Variants in ADCY2 observed in about 807,000 individuals in gnomAD.
The protein encoded by ADCY2 is adenylate cyclase type 2.
ADCY2 carries 31 observed loss-of-function variants against 125.2 expected under a neutral mutation model. That is an observed-to-expected ratio of 0.25 (90% confidence interval 0.19 to 0.33). The LOEUF (loss-of-function observed/expected upper bound fraction) is 0.33, where lower values mean the gene tolerates loss of function less well. Ranked by LOEUF, ADCY2 falls within the 10% of genes least tolerant of loss-of-function variation. The probability of loss-of-function intolerance (pLI) is 1.00; values close to 1 mark genes in which losing one functional copy is unlikely to be tolerated. For synonymous variants in ADCY2, 512 were observed against 548.4 expected (o/e 0.93, Z 0.93); for missense variants, 904 against 1,418.2 (o/e 0.64, Z 5.82).
At chr5:7,707,141 A>G (rs1275739704) in intron 8 of ADCY2, among the ~76,000 whole-genome samples, 1 of 152,200 alleles carries the variant, frequency 6.6e-6, no homozygotes, top group Non-Finnish European at 1.5e-5. Flanking sequence ...TAAATTACAA[A>G]CTTTTACTTA....
chr5:7,728,917 C>T (rs1482011591), intron 14 of ADCY2, among the ~76,000 whole-genome samples: 2 of 152,144 alleles, frequency 1.3e-5, no homozygotes, highest in Admixed American at 6.5e-5. Context: ...CATGGGATTT[C>T]ACTTTTAAGA....
At chr5:7,424,840 A>G (rs2126359599) in intron 2 of ADCY2, among the ~76,000 whole-genome samples, 1 of 152,368 alleles carries the variant, frequency 6.6e-6, no homozygotes, top group South Asian at 2.1e-4. Flanking sequence ...AAAGAGATTT[A>G]TTATACATAG....
chr5:7,496,928 G>A (rs746089244), intron 2 of ADCY2, among the ~76,000 whole-genome samples: 32 of 152,030 alleles, frequency 2.1e-4, no homozygotes, highest in Non-Finnish European at 4.1e-4. Context: ...GGCATTAATC[G>A]TTTTAGGTCA....
At chr5:7,469,874 C>CT in intron 2 of ADCY2, among the ~76,000 whole-genome samples, 1 of 151,440 alleles carries the variant, frequency 6.6e-6, no homozygotes, top group East Asian at 1.9e-4. Flanking sequence ...TTTATTCATT[C>CT]TTTTTTTCTG....
At position 7,537,323 on chromosome 5, in the gene ADCY2, G is replaced by GA. The variant is rs374649497; in HGVS notation, c.570+16428dup. 2.4e-3 allele frequency among the ~76,000 whole-genome samples: 362 copies of GA among 152,214 alleles called. 1 individual carries two copies. Among genetic ancestry groups the GA allele is most frequent in the Non-Finnish European group, 4.2e-3 (283 of 68,014 alleles). On this transcript the variant is annotated intron_variant, in intron 3 of 24. Coordinates refer to ENST00000338316, the MANE Select transcript of ADCY2 (RefSeq NM_020546.3). Reference sequence around the variant, plus strand: ...CAATACATGTTTGTCTTAAGTGTTAGAAAACTCATTGTCTCCACTTCAGTG... The same window carrying GA: ...CAATACATGTTTGTCTTAAGTGTTAGAAAAACTCATTGTCTCCACTTCAGTG...
chr5:7,518,776 C>A (rs1369216381), intron 2 of ADCY2, among the ~76,000 whole-genome samples: 1 of 152,148 alleles, frequency 6.6e-6, no homozygotes, highest in East Asian at 1.9e-4. Context: ...AGAGAAGGTG[C>A]TCAGAGTCCA....
chr5:7,785,520 C>T (rs1359044021), intron 19 of ADCY2, among the ~76,000 whole-genome samples: 1 of 150,502 alleles, frequency 6.6e-6, no homozygotes, highest in Admixed American at 6.7e-5. Context: ...CATTCTTTGG[C>T]TTGCAGTTTT....
chr5:7,621,586 G>A (rs946303167), intron 3 of ADCY2, among the ~76,000 whole-genome samples: 4 of 152,110 alleles, frequency 2.6e-5, no homozygotes, highest in Non-Finnish European at 4.4e-5. Flanking sequence ...TTGTTGCCTC[G>A]TCTATAAGAT....
intron 2 of ADCY2, among the ~76,000 whole-genome samples, chr5:7,482,033 G>A (rs551176326): frequency 7.2e-5 from 11 of 152,186 alleles, no homozygotes; most frequent in South Asian, 6.2e-4. Flanking sequence ...CATGATTTAC[G>A]GTGAATTATT....
chr5:7,634,118 T>TG (rs895556622), intron 4 of ADCY2, among the ~76,000 whole-genome samples: 3 of 152,112 alleles, frequency 2.0e-5, no homozygotes, highest in Admixed American at 6.6e-5. Context: ...TGCCTTTTAA[T>TG]GGGGGGGAAA....
chr5:7,616,651 T>TG lies in ADCY2; in HGVS notation c.571-9515dup, dbSNP rs536232367. On this transcript the variant is annotated intron_variant, in intron 3 of 24. Transcript: ENST00000338316. ...TTCTGCAAGAGTTACCAGCCCCAAA[T>TG]GTCTAAGGCTTGCCCATTTTGACAT... 3.0e-3 allele frequency among the ~76,000 whole-genome samples: 459 copies of TG among 152,326 alleles called. 1 individual carries two copies. The highest frequency in any genetic ancestry group is 5.6e-3 in the Admixed American group (86 of 15,298).
intron 10 of ADCY2, 142 bp from the exon 11 acceptor site, chr5:7,712,714 T>C (rs986885872): frequency 1.4e-5 from 9 of 647,188 alleles, no homozygotes; most frequent in African/African-American, 1.1e-4. Context: ...TTAAGCTCTT[T>C]TTCTCCACAT....
chr5:7,755,724 A>G (rs1013220120), intron 15 of ADCY2, among the ~76,000 whole-genome samples: 15 of 152,318 alleles, frequency 9.8e-5, no homozygotes, highest in African/African-American at 3.6e-4. Context: ...AAGCTAGGCC[A>G]TGGCTGATTC....
At chr5:7,511,180 A>G (rs908213144) in intron 2 of ADCY2, among the ~76,000 whole-genome samples, 1 of 152,328 alleles carries the variant, frequency 6.6e-6, no homozygotes. Context: ...TTGTCCCCAT[A>G]GAGCCTGCAT....
intron 18 of ADCY2, among the ~76,000 whole-genome samples, chr5:7,781,999 C>T (rs1350984617): frequency 6.6e-6 from 1 of 152,210 alleles, no homozygotes; most frequent in Non-Finnish European, 1.5e-5. Flanking sequence ...TGAAAGAAGT[C>T]TTCAGAAATC....
At position 7,666,580 on chromosome 5, in the gene ADCY2, C is replaced by G. The variant is rs1739763992; in HGVS notation, c.721-24111C>G. Among the ~76,000 whole-genome samples, 3 of 152,172 alleles carry G rather than the reference C, an allele frequency of 2.0e-5. No homozygotes were observed. The South Asian group carries it at 6.2e-4, about 32-fold the overall frequency. ...ACTGTGCTTGGCCGGGTGGAGTTTT[C>G]TTTATGGGTCTGATGATGATACTGA... On this transcript the variant is annotated intron_variant, in intron 4 of 24. Coordinates refer to ENST00000338316, the MANE Select transcript of ADCY2 (RefSeq NM_020546.3).
At chr5:7,586,809 T>C (rs1736642699) in intron 3 of ADCY2, among the ~76,000 whole-genome samples, 1 of 152,112 alleles carries the variant, frequency 6.6e-6, no homozygotes, top group Non-Finnish European at 1.5e-5. Flanking sequence ...TGAAGTTCAT[T>C]TGAATGGAGC....
At chr5:7,669,548 G>T (rs935975955) in intron 4 of ADCY2, among the ~76,000 whole-genome samples, 2 of 152,278 alleles carry the variant, frequency 1.3e-5, no homozygotes, top group East Asian at 3.9e-4. Flanking sequence ...ACGTGGCACT[G>T]GTTAGTGGGT....
intron 4 of ADCY2, among the ~76,000 whole-genome samples, chr5:7,645,775 C>T (rs1738875353): frequency 6.6e-6 from 1 of 152,130 alleles, no homozygotes. Flanking sequence ...CATTGCTGTG[C>T]TGCTACTATT....
Sources: allele counts gnomAD v4.1 joint callset (sites outside exome capture counted in the v4.1 genomes callset), GRCh38; gene constraint gnomAD v4.1.1; transcripts MANE v1.5; gene names NCBI Gene and HGNC (gene_info 2026-07-23, HGNC 2026-07-21).